CADPS2: variants seen among roughly 807,000 people sequenced by gnomAD.
CADPS2 encodes calcium-dependent secretion activator 2.
In CADPS2, 93 loss-of-function variants were observed where a neutral mutation model predicts 172.5. That is an observed-to-expected ratio of 0.54 (90% CI 0.46 to 0.64). The LOEUF is 0.64. CADPS2 is among the 30% of genes least tolerant of loss of function. The pLI is 0.00. For missense variants in CADPS2, 1,420 were observed against 1,565.9 expected (o/e 0.91, Z 1.57); for synonymous variants, 546 against 555.2 (o/e 0.98, Z 0.23).
intron 1 of CADPS2, among the ~76,000 whole-genome samples, chr7:122,867,501 G>T (rs531294109): frequency 5.7e-4 from 87 of 152,262 alleles, no homozygotes; most frequent in Admixed American, 1.8e-3. Flanking sequence ...TAATAGTCTT[G>T]TACAACATAT....
intron 7 of CADPS2, among the ~76,000 whole-genome samples, chr7:122,558,198 ATTGT>A (rs1563696962): frequency 6.6e-6 from 1 of 152,130 alleles, no homozygotes; most frequent in African/African-American, 2.4e-5. Flanking sequence ...ATAATGAAGA[ATTGT>A]TTTTTTTTAT....
At chr7:122,679,264 CTG>C (rs1491465381) in intron 2 of CADPS2, among the ~76,000 whole-genome samples, 3 of 14,734 alleles carry the variant, frequency 2.0e-4, no homozygotes, top group Admixed American at 2.3e-3. Flanking sequence ...GAATGCATTC[CTG>C]GGGGGGGGGG....
intron 17 of CADPS2, among the ~76,000 whole-genome samples, chr7:122,422,342 A>G (rs1221030175): frequency 2.0e-5 from 3 of 151,970 alleles, no homozygotes; most frequent in Non-Finnish European, 4.4e-5. Context: ...TCTACGTGGA[A>G]CCCCAAATGT....
intron 1 of CADPS2, among the ~76,000 whole-genome samples, chr7:122,833,965 G>C (rs1807442381): frequency 6.6e-6 from 1 of 152,126 alleles, no homozygotes; most frequent in Non-Finnish European, 1.5e-5. Context: ...GCCCTGGAAA[G>C]GTTTTAGATG....
At chr7:122,322,945 C>T (rs1374221924) in intron 29 of CADPS2, among the ~76,000 whole-genome samples, 1 of 152,140 alleles carries the variant, frequency 6.6e-6, no homozygotes, top group African/African-American at 2.4e-5. Context: ...TCTGCTGAAC[C>T]ATGCAGGCCA....
intron 1 of CADPS2, among the ~76,000 whole-genome samples, chr7:122,741,669 A>G (rs969829650): frequency 3.3e-5 from 5 of 152,330 alleles, no homozygotes; most frequent in Admixed American, 2.6e-4. Flanking sequence ...TACAAAATCT[A>G]CAAAAGTAGA....
chr7:122,717,812 C>T (rs1462674498), intron 2 of CADPS2, among the ~76,000 whole-genome samples: 1 of 151,856 alleles, frequency 6.6e-6, no homozygotes, highest in Non-Finnish European at 1.5e-5. Context: ...ATCCCACATT[C>T]TTTTTTGTCT....
chr7:122,331,837 A>C (rs957267010), intron 28 of CADPS2: 2 of 152,186 alleles, frequency 1.3e-5, no homozygotes, highest in African/African-American at 4.8e-5. Flanking sequence ...GTAAAGATTT[A>C]TATCTTATAT....
intron 2 of CADPS2, chr7:122,702,012 C>A: frequency 2.5e-6 from 4 of 1,613,706 alleles, no homozygotes; most frequent in Non-Finnish European, 3.4e-6. Flanking sequence ...TCCTCATCCC[C>A]TTCTTTGAGA....
Position 122,886,305 on chromosome 7 carries a change from C to T in CADPS2, c.33G>A (p.Ser11=), listed in dbSNP as rs1824369184. MLDPSSSEEE[S]DEGLEEESRD... ...GGCTTTCCTCTTCCAGCCCCTCGTCCGACTCCTCTTCGCTGGAAGACGGGT... is the reference window on the plus strand; with the variant it reads ...GGCTTTCCTCTTCCAGCCCCTCGTCTGACTCCTCTTCGCTGGAAGACGGGT... The change falls in exon 1 of 30, where the codon TCG becomes TCA. Residue 11 remains serine (S), a synonymous_variant. Transcript: ENST00000449022. The T allele has an allele frequency of 2.0e-6, 3 of 1,503,656 alleles. No individual in the cohort carries two copies. Among genetic ancestry groups the T allele is most frequent in the African/African-American group, 1.5e-5 (1 of 68,802 alleles). The allele number at this position is 1,503,656 out of a possible 1,614,324, so 93.1% of individuals were successfully genotyped here.
In CADPS2 at chr7:122,436,371, T is replaced by C. The variant is rs887125403; in HGVS notation, c.2476+1970A>G. 4 of 1,280,344 alleles carry C rather than the reference T, an allele frequency of 3.1e-6. No homozygotes were observed. The African/African-American group carries it at 6.2e-5, about 20-fold the overall frequency. 79.3% of individuals were successfully genotyped at this position (1,280,344 alleles called of 1,614,324 possible). A position where few individuals can be genotyped will look rare whatever the true frequency, so the allele number is the denominator to read the frequency against. ...GAAATATTAATTACCTGTTTCCTTT[T>C]CTGCTGGGCCTAAAACATAAGAAAA... is the stretch of plus-strand genomic sequence containing the variant. On this transcript the variant is annotated intron_variant, in intron 17 of 29. Transcript: ENST00000449022.
At chr7:122,418,626 T>C (rs1211423622) in intron 17 of CADPS2, among the ~76,000 whole-genome samples, 6 of 151,980 alleles carry the variant, frequency 3.9e-5, no homozygotes, top group African/African-American at 9.7e-5. Context: ...GGAAAGATGA[T>C]AGTAGGAATA....
At chr7:122,363,611 TTC>T (rs1262941027) in intron 25 of CADPS2, among the ~76,000 whole-genome samples, 1 of 151,890 alleles carries the variant, frequency 6.6e-6, no homozygotes, top group Non-Finnish European at 1.5e-5. Flanking sequence ...GTCATTTTGC[TTC>T]TCTCTCTTCA....
At chr7:122,807,323 G>A (rs1269216031) in intron 1 of CADPS2, among the ~76,000 whole-genome samples, 1 of 152,150 alleles carries the variant, frequency 6.6e-6, no homozygotes, top group Non-Finnish European at 1.5e-5. Flanking sequence ...ATCCCTCCAT[G>A]TGTCCATCCA....
chr7:122,824,326 A>C (rs1213824005), intron 1 of CADPS2, among the ~76,000 whole-genome samples: 1 of 152,186 alleles, frequency 6.6e-6, no homozygotes, highest in African/African-American at 2.4e-5. Flanking sequence ...TATAAGGTCC[A>C]TGCTTTTAAC....
Position 122,676,818 on chromosome 7 carries a change from T to C in CADPS2, c.454-13249A>G, listed in dbSNP as rs185582913. 59 of 684,542 alleles carry C rather than the reference T, an allele frequency of 8.6e-5. No individual in the cohort carries two copies. In the African/African-American group the frequency reaches 8.7e-4, roughly 10 times the overall value. 42.4% of individuals were successfully genotyped at this position (684,542 alleles called of 1,614,324 possible). A position where few individuals can be genotyped will look rare whatever the true frequency, so the allele number is the denominator to read the frequency against. On this transcript the variant is annotated intron_variant, in intron 2 of 29. Coordinates refer to ENST00000449022, the MANE Select transcript of CADPS2 (RefSeq NM_017954.11). ...CCATGGGACAAGATTCCGAACTCAC[T>C]GTAAGTGCTTGGTGACAGTATTTTT...
intron 14 of CADPS2, among the ~76,000 whole-genome samples, chr7:122,470,314 G>A (rs1337801544): frequency 6.6e-6 from 1 of 151,756 alleles, no homozygotes; most frequent in Non-Finnish European, 1.5e-5. Flanking sequence ...TATGGGAAGA[G>A]AATATTAATA....
chr7:122,822,242 C>T (rs1053264402), intron 1 of CADPS2, among the ~76,000 whole-genome samples: 8 of 151,926 alleles, frequency 5.3e-5, no homozygotes, highest in Non-Finnish European at 1.2e-4. Context: ...ACCTTTTATA[C>T]CTGTTTTTCT....
chr7:122,334,956 C>G (rs1899691), intron 28 of CADPS2, among the ~76,000 whole-genome samples: 23,067 of 152,096 alleles, frequency 0.15, 1,807 homozygotes, highest in African/African-American at 0.16. Flanking sequence ...TCTAAAAAGT[C>G]TTTGATAAAT....
Sources: gnomAD v4.1 joint callset for allele counts (sites outside exome capture counted in the v4.1 genomes callset) on GRCh38, gnomAD v4.1.1 for gene constraint, MANE v1.5 for transcripts, NCBI Gene and HGNC (gene_info 2026-07-23, HGNC 2026-07-21) for gene names.